APOOL: variants seen among roughly 807,000 people sequenced by gnomAD.
APOOL encodes apolipoprotein O like, also known as MICOS complex subunit MIC27.
A neutral mutation model predicts 23.1 loss-of-function variants in APOOL; 12 were observed. That is an observed-to-expected ratio of 0.52 (90% CI 0.33 to 0.84). APOOL has a LOEUF of 0.84. APOOL is among the 40% of genes least tolerant of loss of function. The pLI, the probability that APOOL is intolerant of heterozygous loss-of-function variation, is 0.02. For missense variants in APOOL, 212 were observed against 199.6 expected, an observed-to-expected ratio of 1.06 and a Z score of -0.37; for synonymous variants, 77 against 69.9, an observed-to-expected ratio of 1.10 and a Z score of -0.51.
chrX:85,074,215 T>A, intron 7 of APOOL, 59 bp from the exon 8 acceptor site: 1 of 1,188,730 alleles, frequency 8.4e-7, no homozygotes, highest in Non-Finnish European at 1.1e-6. Context: ...AATGAGAAAG[T>A]AGATGAAGGA....
At chrX:85,009,674 T>C (rs772886665) in intron 1 of APOOL, among the ~76,000 whole-genome samples, 18 of 111,002 alleles carry the variant, frequency 1.6e-4, no homozygotes, top group Non-Finnish European at 2.5e-4. Flanking sequence ...CAGGTGTACA[T>C]GTGAAGATTT....
chrX:85,029,584 A>C (rs1921962741), intron 1 of APOOL, among the ~76,000 whole-genome samples: 1 of 111,628 alleles, frequency 9.0e-6, no homozygotes, highest in Admixed American at 9.5e-5. Flanking sequence ...GTTTCTCGTC[A>C]CAGTGAACAT....
intron 1 of APOOL, among the ~76,000 whole-genome samples, chrX:85,029,017 A>G (rs534519356): frequency 1.8e-5 from 2 of 111,793 alleles, no homozygotes; most frequent in South Asian, 7.5e-4. Flanking sequence ...TCTGTTGGCT[A>G]TACTGATTTC....
chrX:85,010,308 G>A (rs1189873154), intron 1 of APOOL, among the ~76,000 whole-genome samples: 3 of 111,849 alleles, frequency 2.7e-5, no homozygotes, highest in African/African-American at 9.8e-5. Context: ...ACGCTTATTT[G>A]TCATCTGTGT....
intron 8 of APOOL, among the ~76,000 whole-genome samples, chrX:85,076,963 A>G (rs1412705848): frequency 2.6e-5 from 1 of 38,977 alleles, no homozygotes; most frequent in African/African-American, 1.4e-4. Flanking sequence ...AACTCTGACT[A>G]TGTTTTTTTT....
intron 8 of APOOL, among the ~76,000 whole-genome samples, chrX:85,077,016 T>TATATATATATATATATAC (rs1169194451): frequency 1.0e-5 from 1 of 95,291 alleles, no homozygotes; most frequent in African/African-American, 4.2e-5. Context: ...TATATATATA[T>TATATATATATATATATAC]ACGTATATAT....
intron 2 of APOOL, among the ~76,000 whole-genome samples, chrX:85,049,558 C>T (rs1194155357): frequency 1.8e-5 from 2 of 111,051 alleles, no homozygotes; most frequent in Non-Finnish European, 3.8e-5. Context: ...CCAAGGCGGG[C>T]GGATTGCTTG....
intron 6 of APOOL, among the ~76,000 whole-genome samples, chrX:85,070,649 A>G (rs187687611): frequency 2.7e-5 from 3 of 111,285 alleles, no homozygotes; most frequent in Non-Finnish European, 5.7e-5. Context: ...TGTAATGATT[A>G]TTACAATCAA....
chrX:85,035,705 G>A, intron 1 of APOOL, among the ~76,000 whole-genome samples: 1 of 111,575 alleles, frequency 9.0e-6, no homozygotes, highest in East Asian at 2.8e-4. Context: ...GTTGAATAGG[G>A]AATTCTTTAC....
rs866036392 is a variant in APOOL, at chrX:85,067,180, A to G, written c.448A>G (p.Thr150Ala). ...YPLGLATLGA[T>A]VCYPVQSVII... ...TCTGGGACTGGCCACTTTAGGAGCA[A>G]CTGTTTGCTACCCAGTTCAGTCCGT... The change falls in exon 6 of 9, where the codon ACT becomes GCT. Residue 150 changes from threonine (T) to alanine (A), a missense_variant. Thr to Ala is a moderately conservative substitution (Grantham distance 58, BLOSUM62 0). Coordinates refer to ENST00000373173, the MANE Select transcript of APOOL (RefSeq NM_198450.6). 8.6e-7 allele frequency: 1 copy of G among 1,159,013 alleles called. No individual in the cohort carries two copies. Among genetic ancestry groups the G allele is most frequent in the African/African-American group, 1.8e-5 (1 of 55,666 alleles).
At chrX:85,026,676 C>CCT (rs1921856417) in intron 1 of APOOL, among the ~76,000 whole-genome samples, 1 of 111,745 alleles carries the variant, frequency 8.9e-6, no homozygotes, top group Admixed American at 9.5e-5. Context: ...TAGGCTAGGT[C>CCT]ATCAGATCCC....
chrX:85,061,329 G>C lies in APOOL; in HGVS notation c.394+5404G>C, dbSNP rs1399677959. On this transcript the variant is annotated intron_variant, in intron 5 of 8. Coordinates refer to ENST00000373173, the MANE Select transcript of APOOL (RefSeq NM_198450.6). ...TGCATCAATGTTCATCAAGGATATT[G>C]GTCTAAAATTCTTGTTTTCCATTGT... 4.5e-5 allele frequency among the ~76,000 whole-genome samples: 5 copies of C among 111,338 alleles called. No individual in the cohort carries two copies. The East Asian group carries it at 1.4e-3, about 32-fold the overall frequency.
intron 6 of APOOL, among the ~76,000 whole-genome samples, chrX:85,069,609 C>CT (rs1923590655): frequency 1.6e-5 from 1 of 61,632 alleles, no homozygotes; most frequent in African/African-American, 8.5e-5. Flanking sequence ...GACGCCATCT[C>CT]TAAAAAAAAA....
Position 85,054,321 on chromosome X carries a change from T to TC in APOOL, c.241-16dup, listed in dbSNP as rs756632425. The TC allele has an allele frequency of 1.1e-5, 13 of 1,167,507 alleles. No homozygotes were observed. In the African/African-American group the frequency reaches 1.8e-4, roughly 16 times the overall value. ...AACAGCTTCAAAAATGCAGATGTCT[T>TC]CCCCCCCTTTTTTTTTGCTTAGGGT... On this transcript the variant is annotated intron_variant, in intron 3 of 8. Coordinates refer to ENST00000373173, the MANE Select transcript of APOOL (RefSeq NM_198450.6).
At chrX:85,015,732 C>G (rs969975423) in intron 1 of APOOL, among the ~76,000 whole-genome samples, 29 of 109,689 alleles carry the variant, frequency 2.6e-4, no homozygotes, top group Non-Finnish European at 4.6e-4. Flanking sequence ...CCACGCACGG[C>G]TAATTTTGTA....
At chrX:85,080,355 A>T (rs1160267314) in intron 8 of APOOL, 1 of 111,939 alleles carries the variant, frequency 8.9e-6, no homozygotes, top group Non-Finnish European at 1.9e-5. Flanking sequence ...TGTACCCAGT[A>T]GTCATTCAGG....
intron 5 of APOOL, among the ~76,000 whole-genome samples, chrX:85,057,641 A>G (rs946245311): frequency 9.3e-6 from 1 of 107,143 alleles, no homozygotes; most frequent in Non-Finnish European, 1.9e-5. Context: ...AATGGATGAT[A>G]TATATCTCAT....
At chrX:85,085,047 C>T (rs1602806110) in intron 8 of APOOL, among the ~76,000 whole-genome samples, 1 of 111,733 alleles carries the variant, frequency 8.9e-6, no homozygotes, top group Non-Finnish European at 1.9e-5. Context: ...GCTACAGCCT[C>T]TTCTCAGAAT....
At chrX:85,017,342 T>A (rs192888802) in intron 1 of APOOL, among the ~76,000 whole-genome samples, 7 of 111,559 alleles carry the variant, frequency 6.3e-5, no homozygotes, top group Non-Finnish European at 1.3e-4. Flanking sequence ...GAGGCCGATC[T>A]TGATTCTGCA....
Sources: allele counts gnomAD v4.1 joint callset (sites outside exome capture counted in the v4.1 genomes callset), GRCh38; gene constraint gnomAD v4.1.1; transcripts MANE v1.5; gene names NCBI Gene and HGNC (gene_info 2026-07-23, HGNC 2026-07-21).